The following VPS13D variants were observed in gnomAD, a reference collection of about 807,000 sequenced individuals.
VPS13D encodes the protein vacuolar protein sorting 13 homolog D.
VPS13D carries 187 observed loss-of-function variants against 461.9 expected under a neutral mutation model. That is an observed-to-expected ratio of 0.40 (90% CI 0.36 to 0.46). The LOEUF (loss-of-function observed/expected upper bound fraction) is 0.46. VPS13D is among the 20% of genes least tolerant of loss of function. The probability of loss-of-function intolerance (pLI) is 0.60; values close to 1 mark genes in which losing one functional copy is unlikely to be tolerated. For missense variants in VPS13D, 4,711 were observed against 5,364.9 expected, an observed-to-expected ratio of 0.88 and a Z score of 3.81; for synonymous variants, 1,951 against 1,986.3, an observed-to-expected ratio of 0.98 and a Z score of 0.47.
At chr1:12,487,659 G>A (rs991840196) in intron 67 of VPS13D, among the ~76,000 whole-genome samples, 1 of 151,856 alleles carries the variant, frequency 6.6e-6, no homozygotes, top group South Asian at 2.1e-4. Context: ...CCCTCTGGGG[G>A]CTGGAGCATC....
chr1:12,419,972 A>G (rs1027428873), intron 65 of VPS13D, among the ~76,000 whole-genome samples: 18 of 152,216 alleles, frequency 1.2e-4, no homozygotes, highest in Admixed American at 9.2e-4. Flanking sequence ...AAGGTAGAGT[A>G]AAAGTATGGT....
At chr1:12,330,817 C>T (rs953779005) in intron 37 of VPS13D, among the ~76,000 whole-genome samples, 3 of 152,306 alleles carry the variant, frequency 2.0e-5, no homozygotes, top group South Asian at 4.1e-4. Flanking sequence ...ATCCACCTGC[C>T]TCAGCCTCCC....
In VPS13D at chr1:12,368,507, T is replaced by A; in HGVS notation, c.10488T>A (p.Ile3496=). The stretch of plus-strand genomic sequence containing the variant: ...AATGCTTCTTCCTACGAGTGGAAAT[T>A]ACTCTCCGAGGAGCTACGTATAGGA... ...LGKCFFLRVE[I]TLRGATYRIS... Residue 3496 remains isoleucine (I), a synonymous_variant, in exon 53 of 70, where the codon ATT becomes ATA. Coordinates refer to ENST00000620676, the MANE Select transcript of VPS13D (RefSeq NM_015378.4). The A allele has an allele frequency of 6.2e-7, 1 of 1,613,658 alleles. No individual in the cohort carries two copies. The highest frequency in any genetic ancestry group is 8.5e-7 in the Non-Finnish European group (1 of 1,179,792).
intron 65 of VPS13D, among the ~76,000 whole-genome samples, chr1:12,429,568 A>C (rs1300043392): frequency 6.6e-6 from 1 of 152,272 alleles, no homozygotes; most frequent in Non-Finnish European, 1.5e-5. Flanking sequence ...CTGGCATTAC[A>C]GGCGTGAGCC....
Position 12,268,678 on chromosome 1 carries a change from G to A in VPS13D, c.1802-28G>A, listed in dbSNP as rs747942446. On this transcript the variant is annotated intron_variant, in intron 15 of 69. Transcript: ENST00000620676. ...AAGGCTATAGTTTTTGCCTTGTTCC[G>A]TGTTCTTATTCCTGTTCTTTCCTTT... 2.1e-5 allele frequency: 33 copies of A among 1,599,690 alleles called. No individual in the cohort carries two copies. In the Admixed American group the frequency reaches 2.7e-4, roughly 13 times the overall value.
Position 12,369,632 on chromosome 1 carries a change from G to C in VPS13D, c.10738G>C (p.Asp3580His). The C allele has an allele frequency of 3.1e-6, 5 of 1,614,168 alleles. No homozygotes were observed. Among genetic ancestry groups the C allele is most frequent in the Non-Finnish European group, 4.2e-6 (5 of 1,180,034 alleles). Residue 3580 changes from aspartate to histidine, a missense_variant, in exon 54 of 70, where the codon GAT (aspartate) becomes CAT (histidine). Asp to His is a moderately conservative substitution (Grantham distance 81, BLOSUM62 -1). Transcript: ENST00000620676. ...CTCTGAGATCAACTGCAACATGAAT[G>C]ATTTCCAGGATAATCGGCAGCTTTA... is the stretch of plus-strand genomic sequence containing the variant. ...GSSEINCNMN[D>H]FQDNRQLYYE...
intron 67 of VPS13D, among the ~76,000 whole-genome samples, chr1:12,469,712 G>C (rs942127029): frequency 6.6e-6 from 1 of 152,100 alleles, no homozygotes; most frequent in African/African-American, 2.4e-5. Flanking sequence ...ACTTTTACTG[G>C]GTTTCTAGAA....
At chr1:12,234,611 G>A (rs931066790) in intron 2 of VPS13D, among the ~76,000 whole-genome samples, 3 of 152,242 alleles carry the variant, frequency 2.0e-5, no homozygotes, top group African/African-American at 7.2e-5. Context: ...ACTGGTGACT[G>A]TGCTTAGTCC....
At position 12,397,384 on chromosome 1, in the gene VPS13D, G is replaced by A. The variant is rs1385786026; in HGVS notation, c.11635-2797G>A. Among the ~76,000 whole-genome samples the A allele has an allele frequency of 5.3e-5, 8 of 152,224 alleles. No homozygotes were observed. The South Asian group carries it at 1.4e-3, about 28-fold the overall frequency. On this transcript the variant is annotated intron_variant, in intron 60 of 69. Transcript: ENST00000620676. Reference sequence around the variant, plus strand: ...GAGATCCTCTCCTTAGGCAGCATCCGATCTAATTAGGAGAATAAAACTAGG... The same window carrying A: ...GAGATCCTCTCCTTAGGCAGCATCCAATCTAATTAGGAGAATAAAACTAGG...
At chr1:12,275,724 A>G in intron 18 of VPS13D, 101 bp from the exon 19 acceptor site, 1 of 1,228,278 alleles carries the variant, frequency 8.1e-7, no homozygotes, top group South Asian at 1.8e-5. Context: ...TCTTAAACAA[A>G]CTGGGGTTGG....
At position 12,361,188 on chromosome 1, in the gene VPS13D, A is replaced by G. The variant is rs190957383; in HGVS notation, c.10142-1532A>G. 5.5e-4 allele frequency among the ~76,000 whole-genome samples: 83 copies of G among 152,260 alleles called. No homozygotes were observed. The East Asian group carries it at 0.016, about 29-fold the overall frequency. On this transcript the variant is annotated intron_variant, in intron 50 of 69. Transcript: ENST00000620676. ...TAAAGCCTTTGGGGGAGGACCTAGC[A>G]TGTATTAAGAGACCAGTAATTATTA...
At position 12,502,890 on chromosome 1, in the gene VPS13D, G is replaced by A. The variant is rs2100555444; in HGVS notation, c.12795-3963G>A. ...TTAACTGCGGATCTCTTCTGTGTGGGGCACGTAGATTAGCTCACACCATCA... is the reference window on the plus strand; with the variant it reads ...TTAACTGCGGATCTCTTCTGTGTGGAGCACGTAGATTAGCTCACACCATCA... On this transcript the variant is annotated intron_variant, in intron 68 of 69. Transcript: ENST00000620676. The surrounding 1 kb of genome is among the most constrained non-coding windows in gnomAD (Gnocchi z 4.3). Among the ~76,000 whole-genome samples the A allele has an allele frequency of 6.6e-6, 1 of 152,254 alleles. No homozygotes were observed. The highest frequency in any genetic ancestry group is 2.1e-4 in the South Asian group (1 of 4,818).
intron 29 of VPS13D, 106 bp downstream of exon 29, chr1:12,312,031 G>A (rs1294067005): frequency 5.6e-6 from 5 of 898,138 alleles, no homozygotes; most frequent in Non-Finnish European, 6.8e-6. Flanking sequence ...CCCACAGATG[G>A]AATGTTGTCT....
chr1:12,367,841 A>G (rs760424316), intron 52 of VPS13D: 3 of 152,196 alleles, frequency 2.0e-5, no homozygotes, highest in Non-Finnish European at 2.9e-5. Flanking sequence ...TCTCCTGACC[A>G]CGTGATCCAC....
intron 37 of VPS13D, among the ~76,000 whole-genome samples, chr1:12,330,689 C>T (rs1274131187): frequency 6.6e-6 from 1 of 152,038 alleles, no homozygotes; most frequent in African/African-American, 2.4e-5. Context: ...GCCTCAGCCT[C>T]CCGAGTAGCT....
chr1:12,386,370 T>C (rs777273453), intron 60 of VPS13D, 36 bp downstream of exon 60: 10 of 1,552,114 alleles, frequency 6.4e-6, no homozygotes, highest in Admixed American at 2.0e-5. Context: ...AGTCACCTTG[T>C]TTTCATGCTG....
chr1:12,340,699 G>A (rs1466638999), intron 40 of VPS13D, among the ~76,000 whole-genome samples: 1 of 152,236 alleles, frequency 6.6e-6, no homozygotes, highest in African/African-American at 2.4e-5. Flanking sequence ...TGCAGAGCAT[G>A]TGGGTCATGG....
rs1382680558 is a variant in VPS13D at position 12,276,667 on chromosome 1, A to G, written c.3079A>G (p.Ser1027Gly). Residue 1027 changes from serine (S) to glycine (G), a missense_variant, in exon 19 of 70, where the codon AGC (serine) becomes GGC (glycine). Ser to Gly is a moderately conservative substitution (Grantham distance 56, BLOSUM62 0). Coordinates refer to ENST00000620676, the MANE Select transcript of VPS13D (RefSeq NM_015378.4). The surrounding 1 kb of genome is among the most constrained non-coding windows in gnomAD (Gnocchi z 4.5). ...TTTGATGGCTTCACATAAGAACTTG[A>G]GCTTTGATATTCCAACGGGAAGCCT... ...DLLMASHKNL[S>G]FDIPTGSLRD... is the part of the protein sequence containing the mutation. 3.1e-6 allele frequency: 5 copies of G among 1,614,104 alleles called. No homozygotes were observed. The highest frequency in any genetic ancestry group is 4.2e-6 in the Non-Finnish European group (5 of 1,180,012).
At chr1:12,497,022 C>G (rs887968360) in intron 67 of VPS13D, 6 of 152,832 alleles carry the variant, frequency 3.9e-5, no homozygotes, top group African/African-American at 1.4e-4. Flanking sequence ...GGATTTTCTT[C>G]CAGACCCATC....
Sources: gnomAD v4.1 joint callset for allele counts (sites outside exome capture counted in the v4.1 genomes callset) on GRCh38, gnomAD v4.1.1 for gene constraint, Gnocchi (gnomAD v3.1) non-coding constraint, MANE v1.5 for transcripts, NCBI Gene and HGNC (gene_info 2026-07-23, HGNC 2026-07-21) for gene names.